Variants in KCNQ1 observed in about 807,000 individuals in gnomAD.
KCNQ1 encodes potassium voltage-gated channel subfamily KQT member 1.
Under a neutral mutation model 72.4 loss-of-function variants are expected in KCNQ1, and 49 were observed. The ratio of observed to expected loss-of-function variants is 0.68; its 90% confidence interval spans 0.54 to 0.86. KCNQ1 has a LOEUF of 0.86. KCNQ1 is among the 40% of genes least tolerant of loss of function. The pLI is 0.00. For synonymous variants in KCNQ1, 450 were observed against 412.6 expected, an observed-to-expected ratio of 1.09 and a Z score of -1.10; for missense variants, 790 against 945.1, an observed-to-expected ratio of 0.84 and a Z score of 2.15.
chr11:2,811,981 A>G (rs1847496689), intron 15 of KCNQ1, among the ~76,000 whole-genome samples: 1 of 152,088 alleles, frequency 6.6e-6, no homozygotes, highest in African/African-American at 2.4e-5. Context: ...ACGCCCTGGC[A>G]CGCAGCCCCA....
Position 2,587,610 on chromosome 11 carries a change from C to T in KCNQ1, c.1169C>T (p.Ser390Phe). The change falls in exon 9 of 16, where the codon TCC (serine) becomes TTC (phenylalanine). Residue 390 changes from serine to phenylalanine, a missense_variant. Physicochemically the swap from Ser to Phe is radical, Grantham distance 155 (BLOSUM62 -2). Around this residue, in one of 5 missense-constraint regions of KCNQ1, gnomAD observed 178 missense variants for 177.9 expected, o/e 1.00. Transcript: ENST00000155840. Reference sequence around the variant, plus strand: ...TATGCTGCCGAGAACCCCGACTCCTCCACCTGGAAGATCTACATCCGGAAG... The same window carrying T: ...TATGCTGCCGAGAACCCCGACTCCTTCACCTGGAAGATCTACATCCGGAAG... ...RCYAAENPDS[S>F]TWKIYIRKAP... 6.2e-7 allele frequency: 1 copy of T among 1,613,974 alleles called. No individual in the cohort carries two copies. Among genetic ancestry groups the T allele is most frequent in the South Asian group, 1.1e-5 (1 of 91,088 alleles).
chr11:2,827,101 T>C lies in KCNQ1; in HGVS notation c.1795-20666T>C, dbSNP rs1372027957. Among the ~76,000 whole-genome samples the C allele has an allele frequency of 6.6e-6, 1 of 152,168 alleles. No individual in the cohort carries two copies. Among genetic ancestry groups the C allele is most frequent in the Non-Finnish European group, 1.5e-5 (1 of 68,020 alleles). ...GAGCCGGGAGGGGAACAGGCTGGGC[T>C]GCAGAGAGGAGGCCAGGCACAGTCA... On this transcript the variant is annotated intron_variant, in intron 15 of 15. Transcript: ENST00000155840. This position sits in a 1 kb window ranked among gnomAD's most constrained non-coding sequence, Gnocchi z 6.7.
At chr11:2,556,014 C>T (rs778669269) in intron 2 of KCNQ1, among the ~76,000 whole-genome samples, 1 of 152,190 alleles carries the variant, frequency 6.6e-6, no homozygotes, top group African/African-American at 2.4e-5. Flanking sequence ...CAGCTGCAGC[C>T]CCCTGCCTGT....
chr11:2,502,708 TA>T (rs1847037580), intron 1 of KCNQ1, among the ~76,000 whole-genome samples: 1 of 152,132 alleles, frequency 6.6e-6, no homozygotes, highest in Non-Finnish European at 1.5e-5. Flanking sequence ...ATGGAATCAC[TA>T]AAGTCCCAGA....
intron 15 of KCNQ1, among the ~76,000 whole-genome samples, chr11:2,843,522 C>T (rs1041284491): frequency 2.6e-5 from 4 of 152,234 alleles, no homozygotes; most frequent in Non-Finnish European, 5.9e-5. Context: ...TGGGGAACTG[C>T]AGCCCAGGCA....
intron 11 of KCNQ1, chr11:2,686,680 G>A: frequency 2.5e-6 from 1 of 398,608 alleles, no homozygotes; most frequent in Non-Finnish European, 4.4e-6. Context: ...GGTCCCAGTT[G>A]GATGACAAAC....
rs191800070 is a variant in KCNQ1 at position 2,555,104 on chromosome 11, G to C, written c.478-15524G>C. Among the ~76,000 whole-genome samples the C allele has an allele frequency of 7.9e-5, 12 of 152,266 alleles. No homozygotes were observed. The South Asian group carries it at 2.5e-3, about 32-fold the overall frequency. ...CCCTGAAGGGCCGGTGTGGGTTGCA[G>C]CTCCTCAATCTCTGCTAAAGTAAAC... On this transcript the variant is annotated intron_variant, in intron 2 of 15. Transcript: ENST00000155840.
At chr11:2,610,391 G>A (rs919765510) in intron 10 of KCNQ1, 39 of 398,148 alleles carry the variant, frequency 9.8e-5, no homozygotes, top group African/African-American at 7.4e-4. Context: ...TGAAAGGAGA[G>A]CAAGTATATA....
intron 1 of KCNQ1, among the ~76,000 whole-genome samples, chr11:2,504,373 C>CA (rs112373422): frequency 0.045 from 6,524 of 143,952 alleles, 247 homozygotes; most frequent in East Asian, 0.099. Context: ...TTAATGGAAA[C>CA]AAAAAAAAAA....
chr11:2,687,516 T>A lies in KCNQ1; in HGVS notation c.1514+25435T>A, dbSNP rs1293547234. ...GGCACCCTAGGACTTGAGACCAGCC[T>A]CCTCTGTATGGTCCCTTCCCTGGTG... is the stretch of plus-strand genomic sequence containing the variant. On this transcript the variant is annotated intron_variant, in intron 11 of 15. Coordinates refer to ENST00000155840, the MANE Select transcript of KCNQ1 (RefSeq NM_000218.3). This position sits in a 1 kb window ranked among gnomAD's most constrained non-coding sequence, Gnocchi z 5.0. 2.5e-6 allele frequency: 1 copy of A among 398,520 alleles called. No individual in the cohort carries two copies. The allele number at this position is 398,520 out of a possible 1,614,324, so 24.7% of individuals were successfully genotyped here.
In KCNQ1 at chr11:2,445,134, GA is replaced by G; in HGVS notation, c.38del (p.Lys13SerfsTer73). ...AASSPPRAER[K>X]RWGWGRLPGA... ...CCTCCTCCCCGCCCAGGGCCGAGAGGAAGCGCTGGGGTTGGGGCCGCCTGCC... is the reference window on the plus strand; with the variant it reads ...CCTCCTCCCCGCCCAGGGCCGAGAGGAGCGCTGGGGTTGGGGCCGCCTGCC... On this transcript the variant is annotated frameshift_variant, in exon 1 of 16. Transcript: ENST00000155840. LOFTEE classifies it high-confidence loss of function. 8.9e-7 allele frequency: 1 copy of G among 1,120,532 alleles called. No homozygotes were observed. The highest frequency in any genetic ancestry group is 3.9e-4 in the Middle Eastern group (1 of 2,564). 69.4% of individuals were successfully genotyped at this position (1,120,532 alleles called of 1,614,324 possible).
In KCNQ1 at chr11:2,549,497, G is replaced by A. The variant is rs552571579; in HGVS notation, c.478-21131G>A. On this transcript the variant is annotated intron_variant, in intron 2 of 15. Transcript: ENST00000155840. The surrounding 1 kb of genome is among the most constrained non-coding windows in gnomAD (Gnocchi z 6.2). Reference sequence around the variant, plus strand: ...ATGGGGCCCTCGAGGAGGGTCCCCCGGGGGCTGCAAAAGCAGAGGGAGTGG... The same window carrying A: ...ATGGGGCCCTCGAGGAGGGTCCCCCAGGGGCTGCAAAAGCAGAGGGAGTGG... Among the ~76,000 whole-genome samples the A allele has an allele frequency of 3.9e-5, 6 of 152,292 alleles. No homozygotes were observed. Among genetic ancestry groups the A allele is most frequent in the South Asian group, 4.1e-4 (2 of 4,824 alleles).
At chr11:2,757,832 A>G (rs1846330068) in intron 11 of KCNQ1, among the ~76,000 whole-genome samples, 1 of 152,242 alleles carries the variant, frequency 6.6e-6, no homozygotes, top group Admixed American at 6.5e-5. Flanking sequence ...AACACACGGT[A>G]CAGGAGCAGT....
rs937072178 is a variant in KCNQ1, at chr11:2,573,127, C to T, written c.921+141C>T. The T allele has an allele frequency of 2.2e-5, 23 of 1,065,676 alleles. No individual in the cohort carries two copies. In the African/African-American group the frequency reaches 3.2e-4, roughly 15 times the overall value. 66.0% of individuals were successfully genotyped at this position (1,065,676 alleles called of 1,614,324 possible). A position where few individuals can be genotyped will look rare whatever the true frequency, so the allele number is the denominator to read the frequency against. On this transcript the variant is annotated intron_variant, in intron 6 of 15. Transcript: ENST00000155840. The stretch of plus-strand genomic sequence containing the variant: ...ACGCTCACAGGCCTCTGTCCACAAA[C>T]CTGTGCTTGGAGCCGCTGGCACAGG...
intron 2 of KCNQ1, among the ~76,000 whole-genome samples, chr11:2,569,283 A>G (rs1481354116): frequency 3.9e-5 from 6 of 152,190 alleles, no homozygotes; most frequent in Non-Finnish European, 5.9e-5. Flanking sequence ...AGCCAAAAAC[A>G]TTTTTGCAAA....
intron 2 of KCNQ1, among the ~76,000 whole-genome samples, chr11:2,553,228 CAATT>C (rs1176986256): frequency 6.7e-6 from 1 of 149,270 alleles, no homozygotes; most frequent in Non-Finnish European, 1.5e-5. Flanking sequence ...GTGTTGTCCA[CAATT>C]AAGTCAGTCT....
rs983147886 is a variant in KCNQ1 at position 2,723,244 on chromosome 11, G to A, written c.1515-45600G>A. On this transcript the variant is annotated intron_variant, in intron 11 of 15. Transcript: ENST00000155840. The surrounding 1 kb of genome is among the most constrained non-coding windows in gnomAD (Gnocchi z 4.2). ...ACAGCTGCTTACCCCACTCCCTGCC[G>A]CCCTGGACAAGGTGCCCACGGCCCT... Among the ~76,000 whole-genome samples the A allele has an allele frequency of 3.3e-5, 5 of 152,182 alleles. No individual in the cohort carries two copies. The highest frequency in any genetic ancestry group is 2.1e-4 in the South Asian group (1 of 4,824).
At chr11:2,576,568 G>C (rs1848426511) in intron 6 of KCNQ1, among the ~76,000 whole-genome samples, 1 of 152,204 alleles carries the variant, frequency 6.6e-6, no homozygotes, top group African/African-American at 2.4e-5. Context: ...AAGTAAAGAA[G>C]CTGGAACCCC....
rs567982371 is a variant in KCNQ1 at position 2,466,702 on chromosome 11, G to A, written c.386+21218G>A. ...AGATATGCTGGCCAGCCTTGTCCAG[G>A]GGGCCTCCTGCCAGGTGGGCAGAGG... On this transcript the variant is annotated intron_variant, in intron 1 of 15. Transcript: ENST00000155840. Among the ~76,000 whole-genome samples, 439 of 152,344 alleles carry A rather than the reference G, an allele frequency of 2.9e-3. 2 individuals are homozygous for A. Among genetic ancestry groups the A allele is most frequent in the Non-Finnish European group, 4.8e-3 (325 of 68,022 alleles).
Sources: gnomAD v4.1 joint callset for allele counts (sites outside exome capture counted in the v4.1 genomes callset) on GRCh38, gnomAD v4.1.1 for gene constraint, gnomAD v4.1.1 regional missense constraint, Gnocchi (gnomAD v3.1) non-coding constraint, MANE v1.5 for transcripts, NCBI Gene and HGNC (gene_info 2026-07-23, HGNC 2026-07-21) for gene names.